C10orf67: variants seen among roughly 807,000 people sequenced by gnomAD.
The protein encoded by C10orf67 is uncharacterized protein C10orf67, mitochondrial.
In C10orf67, 60 loss-of-function variants were observed where a neutral mutation model predicts 35.6. The observed-to-expected ratio is 1.68, with a 90% confidence interval of 1.37 to 2.09. The LOEUF is 2.09. Ranked by LOEUF, C10orf67 falls within the 30% of genes most tolerant of loss-of-function variation. The pLI is 0.00. For synonymous variants in C10orf67, 167 were observed against 115.8 expected, an observed-to-expected ratio of 1.44 and a Z score of -2.84; for missense variants, 474 against 330.2, an observed-to-expected ratio of 1.44 and a Z score of -3.38.
At chr10:23,297,633 TG>T (rs1436434794) in intron 5 of C10orf67, among the ~76,000 whole-genome samples, 1 of 152,180 alleles carries the variant, frequency 6.6e-6, no homozygotes, top group African/African-American at 2.4e-5. Context: ...AAGTTGAGGT[TG>T]GGATCAGTCA....
At position 23,333,047 on chromosome 10, in the gene C10orf67, C is replaced by G; in HGVS notation, c.327+15G>C. On this transcript the variant is annotated intron_variant, in intron 2 of 15. Coordinates refer to ENST00000636213, the MANE Select transcript of C10orf67 (RefSeq NM_001371909.1). ...AAAAATTATCTCAGAAGTTTCAGAA[C>G]AAATTCAGATTTACCTGTGCTAACT... The G allele has an allele frequency of 1.2e-6, 2 of 1,606,142 alleles. No individual in the cohort carries two copies. The highest frequency in any genetic ancestry group is 2.3e-5 in the South Asian group (2 of 88,640).
intron 12 of C10orf67, among the ~76,000 whole-genome samples, chr10:23,240,246 T>A (rs2132138532): frequency 6.6e-6 from 1 of 152,232 alleles, no homozygotes; most frequent in East Asian, 1.9e-4. Flanking sequence ...TACATGTTTT[T>A]CAGCTCAGAA....
intron 7 of C10orf67, among the ~76,000 whole-genome samples, chr10:23,288,014 T>A (rs1392113786): frequency 6.6e-6 from 1 of 152,188 alleles, no homozygotes; most frequent in Admixed American, 6.5e-5. Flanking sequence ...CTTTTACACG[T>A]TAGTGGGAAT....
In C10orf67 at chr10:23,289,883, GT is replaced by G; in HGVS notation, c.909+16del. The G allele has an allele frequency of 1.4e-6, 1 of 714,858 alleles. No homozygotes were observed. The highest frequency in any genetic ancestry group is 2.6e-6 in the Non-Finnish European group (1 of 384,030). The allele number at this position is 714,858 out of a possible 1,614,324, so 44.3% of individuals were successfully genotyped here. On this transcript the variant is annotated intron_variant, in intron 7 of 15. Transcript: ENST00000636213. ...CCATTTAAAAGAGTCATTTATCAACGTAAAACGTTATAGTACCTTTTGAATA... is the reference window on the plus strand; with the variant it reads ...CCATTTAAAAGAGTCATTTATCAACGAAAACGTTATAGTACCTTTTGAATA...
At chr10:23,257,601 G>A (rs940987076) in intron 10 of C10orf67, among the ~76,000 whole-genome samples, 1 of 152,124 alleles carries the variant, frequency 6.6e-6, no homozygotes, top group Admixed American at 6.5e-5. Context: ...TCGGGAGTTC[G>A]AGAACAGCCT....
At chr10:23,338,427 A>G (rs535048338) in intron 1 of C10orf67, among the ~76,000 whole-genome samples, 2 of 152,210 alleles carry the variant, frequency 1.3e-5, no homozygotes, top group Non-Finnish European at 2.9e-5. Context: ...ACCTAGCGAC[A>G]GGTTGATAGC....
rs183647652 is a variant in C10orf67 at position 23,304,760 on chromosome 10, G to A, written c.547-1301C>T. 1.1e-3 allele frequency among the ~76,000 whole-genome samples: 171 copies of A among 152,220 alleles called. 1 individual carries two copies. Among genetic ancestry groups the A allele is most frequent in the African/African-American group, 4.0e-3 (168 of 41,550 alleles). On this transcript the variant is annotated intron_variant, in intron 4 of 15. Transcript: ENST00000636213. ...GCAGGAACACTACAAGGGACCTGAA[G>A]GAATACACACTCATCTGTGTGTCTG...
intron 7 of C10orf67, among the ~76,000 whole-genome samples, chr10:23,285,655 G>A (rs1343714348): frequency 6.6e-6 from 1 of 152,030 alleles, no homozygotes; most frequent in Non-Finnish European, 1.5e-5. Context: ...CAATTGGGGA[G>A]CTACGTTTTC....
chr10:23,236,955 C>T (rs1202290083), intron 13 of C10orf67, among the ~76,000 whole-genome samples: 8 of 152,124 alleles, frequency 5.3e-5, no homozygotes, highest in Admixed American at 2.0e-4. Flanking sequence ...AATTGTGTAT[C>T]ATGGGGGTTT....
At chr10:23,337,086 A>C (rs1042195882) in intron 1 of C10orf67, among the ~76,000 whole-genome samples, 2 of 152,250 alleles carry the variant, frequency 1.3e-5, no homozygotes, top group Non-Finnish European at 2.9e-5. Context: ...ATCAGATTAT[A>C]ACCCATTGAA....
At chr10:23,299,977 CAA>C (rs535795751) in intron 5 of C10orf67, among the ~76,000 whole-genome samples, 107 of 123,334 alleles carry the variant, frequency 8.7e-4, no homozygotes, top group Non-Finnish European at 8.9e-4. Flanking sequence ...GACTCTGTCT[CAA>C]AAAAAAAAAA....
chr10:23,330,452 G>A (rs907811619), intron 2 of C10orf67, among the ~76,000 whole-genome samples: 1 of 151,924 alleles, frequency 6.6e-6, no homozygotes, highest in African/African-American at 2.4e-5. Context: ...GACAGAGTGA[G>A]ACCCTGTCTC....
At chr10:23,298,576 T>C (rs1239483570) in intron 5 of C10orf67, among the ~76,000 whole-genome samples, 3 of 152,226 alleles carry the variant, frequency 2.0e-5, no homozygotes, top group Admixed American at 6.5e-5. Flanking sequence ...TCGCCGTACC[T>C]GGGAATCCAT....
intron 8 of C10orf67, among the ~76,000 whole-genome samples, chr10:23,275,762 C>A (rs1196272135): frequency 6.6e-6 from 1 of 152,024 alleles, no homozygotes; most frequent in Non-Finnish European, 1.5e-5. Flanking sequence ...GCCCCATGTC[C>A]CTGGTCAATT....
Position 23,242,043 on chromosome 10 carries a change from C to T in C10orf67, c.1347-2227G>A, listed in dbSNP as rs566897698. 2.0e-4 allele frequency among the ~76,000 whole-genome samples: 30 copies of T among 152,074 alleles called. No homozygotes were observed. The South Asian group carries it at 4.4e-3, about 22-fold the overall frequency. ...CTGGAGTGCAGTGGCACAATCTTGG[C>T]TCACTGCAACTTCCACCTCCTGGGT... is the stretch of plus-strand genomic sequence containing the variant. On this transcript the variant is annotated intron_variant, in intron 12 of 15. Coordinates refer to ENST00000636213, the MANE Select transcript of C10orf67 (RefSeq NM_001371909.1).
chr10:23,206,280 T>C (rs1841156781), intron 15 of C10orf67, among the ~76,000 whole-genome samples: 1 of 152,236 alleles, frequency 6.6e-6, no homozygotes, highest in South Asian at 2.1e-4. Flanking sequence ...CCAATGGAAA[T>C]TTCTTTCCTT....
chr10:23,342,092 A>T lies in C10orf67; in HGVS notation c.206+2477T>A, dbSNP rs1050316525. Reference sequence around the variant, plus strand: ...GGTGGAGGGATCGCTTGACTCCAGGAGTTCAAGGCTGCACTGAGCCATGAT... The same window carrying T: ...GGTGGAGGGATCGCTTGACTCCAGGTGTTCAAGGCTGCACTGAGCCATGAT... On this transcript the variant is annotated intron_variant, in intron 1 of 15. Coordinates refer to ENST00000636213, the MANE Select transcript of C10orf67 (RefSeq NM_001371909.1). 2.6e-5 allele frequency among the ~76,000 whole-genome samples: 4 copies of T among 152,046 alleles called. No homozygotes were observed. In the East Asian group the frequency reaches 7.7e-4, roughly 29 times the overall value.
chr10:23,227,384 A>G (rs952570266), intron 13 of C10orf67, among the ~76,000 whole-genome samples: 3 of 152,196 alleles, frequency 2.0e-5, no homozygotes, highest in Admixed American at 1.3e-4. Context: ...ACAAAATTCA[A>G]CAGCCCTTCA....
intron 13 of C10orf67, among the ~76,000 whole-genome samples, chr10:23,224,452 A>G (rs766264331): frequency 6.6e-6 from 1 of 152,224 alleles, no homozygotes; most frequent in Non-Finnish European, 1.5e-5. Flanking sequence ...AAAGCTGAAA[A>G]TTCTAAAAAT....
Sources: gnomAD v4.1 joint callset for allele counts (sites outside exome capture counted in the v4.1 genomes callset) on GRCh38, gnomAD v4.1.1 for gene constraint, MANE v1.5 for transcripts, NCBI Gene and HGNC (gene_info 2026-07-23, HGNC 2026-07-21) for gene names.